Variants in MAGI2 observed in about 807,000 individuals in gnomAD.
MAGI2 encodes membrane-associated guanylate kinase, WW and PDZ domain-containing protein 2.
A neutral mutation model predicts 133.3 loss-of-function variants in MAGI2; 35 were observed. The observed-to-expected ratio is 0.26, with a 90% confidence interval of 0.20 to 0.35. The LOEUF is 0.35. Ranked by LOEUF, MAGI2 falls within the 10% of genes least tolerant of loss-of-function variation. The pLI is 1.00. For synonymous variants in MAGI2, 729 were observed against 710.6 expected (o/e 1.03, Z -0.41); for missense variants, 1,636 against 1,863.4 (o/e 0.88, Z 2.25).
chr7:78,407,644 G>A (rs1350172431), intron 6 of MAGI2, among the ~76,000 whole-genome samples: 28 of 104,630 alleles, frequency 2.7e-4, no homozygotes, highest in Non-Finnish European at 3.9e-5. Flanking sequence ...AGCTGCTGCA[G>A]CTTCTTCTAC....
rs1411020927 is a variant in MAGI2 at position 79,403,241 on chromosome 7, A to G, written c.301+49779T>C. ...AAAAGTTTTTTGTTTTCATGTATTC[A>G]TTACTTGTATGTTTACTGCTTTCTC... On this transcript the variant is annotated intron_variant, in intron 1 of 21. Transcript: ENST00000354212. Among the ~76,000 whole-genome samples, 7 of 152,136 alleles carry G rather than the reference A, an allele frequency of 4.6e-5. No homozygotes were observed. In the East Asian group the frequency reaches 1.4e-3, roughly 29 times the overall value.
chr7:78,185,725 T>A (rs1663228405), intron 12 of MAGI2, 55 bp from the exon 13 acceptor site: 5 of 1,347,564 alleles, frequency 3.7e-6, no homozygotes, highest in Non-Finnish European at 4.2e-6. Flanking sequence ...ATTTTAAAAT[T>A]CATCTTTACT....
Position 78,019,677 on chromosome 7 carries a change from C to A in MAGI2, c.4006G>T (p.Gly1336Trp). ...GCGGGCCTGCCGGCCTCGGGCCGCC[C>A]CTGGCCGCCGGGCGCCTCCTCGAGC... ...PRLEEAPGGQ[G>W]RPEAGRPASE... Residue 1336 changes from glycine (G) to tryptophan (W), a missense_variant, in exon 22 of 22, where the codon GGG becomes TGG. Coordinates refer to ENST00000354212, the MANE Select transcript of MAGI2 (RefSeq NM_012301.4). 6.9e-7 allele frequency: 1 copy of A among 1,445,018 alleles called. No individual in the cohort carries two copies. The highest frequency in any genetic ancestry group is 9.1e-7 in the Non-Finnish European group (1 of 1,104,166). 89.5% of individuals were successfully genotyped at this position (1,445,018 alleles called of 1,614,324 possible). A position where few individuals can be genotyped will look rare whatever the true frequency, so the allele number is the denominator to read the frequency against.
intron 1 of MAGI2, among the ~76,000 whole-genome samples, chr7:79,215,919 A>G (rs1194668565): frequency 6.6e-6 from 1 of 151,904 alleles, no homozygotes; most frequent in East Asian, 1.9e-4. Flanking sequence ...ATTCCATGAC[A>G]TGGAATACTT....
intron 3 of MAGI2, among the ~76,000 whole-genome samples, chr7:78,553,688 C>T (rs1160879809): frequency 6.6e-6 from 1 of 152,176 alleles, no homozygotes; most frequent in African/African-American, 2.4e-5. Context: ...CTCAACAGTT[C>T]TGTGACACAA....
intron 3 of MAGI2, among the ~76,000 whole-genome samples, chr7:78,552,606 G>A (rs1381561325): frequency 6.6e-6 from 1 of 152,166 alleles, no homozygotes; most frequent in Non-Finnish European, 1.5e-5. Context: ...GTATAGTGGT[G>A]TGGTGGACAA....
chr7:78,260,527 C>T (rs1290867851), intron 9 of MAGI2, among the ~76,000 whole-genome samples: 2 of 152,078 alleles, frequency 1.3e-5, no homozygotes, highest in Non-Finnish European at 2.9e-5. Flanking sequence ...TGAGATCATC[C>T]TTGTGAAAAT....
chr7:78,531,101 C>T lies in MAGI2; in HGVS notation c.539-9456G>A, dbSNP rs138720419. Among the ~76,000 whole-genome samples the T allele has an allele frequency of 5.6e-4, 85 of 152,002 alleles. No homozygotes were observed. The East Asian group carries it at 0.014, about 26-fold the overall frequency. On this transcript the variant is annotated intron_variant, in intron 3 of 21. Transcript: ENST00000354212. ...TGCAGATGCAAAGATATTTGGAAAA[C>T]GGTACTGAATAAAAAATAACTTTAG... is the stretch of plus-strand genomic sequence containing the variant.
intron 2 of MAGI2, among the ~76,000 whole-genome samples, chr7:78,818,808 C>A (rs943709540): frequency 1.3e-5 from 2 of 152,022 alleles, no homozygotes; most frequent in South Asian, 4.1e-4. Flanking sequence ...CCCAAATGCA[C>A]CTTCTTGGAA....
At chr7:78,982,092 T>G (rs1804844708) in intron 2 of MAGI2, among the ~76,000 whole-genome samples, 1 of 151,842 alleles carries the variant, frequency 6.6e-6, no homozygotes. Context: ...GCGACGGGGC[T>G]TTAATTCAGA....
chr7:79,276,948 G>A (rs1835273249), intron 1 of MAGI2, among the ~76,000 whole-genome samples: 1 of 151,876 alleles, frequency 6.6e-6, no homozygotes, highest in Non-Finnish European at 1.5e-5. Context: ...GGGTGATAGA[G>A]TGAAACTCTG....
At chr7:78,779,076 T>C (rs901076782) in intron 2 of MAGI2, among the ~76,000 whole-genome samples, 6 of 152,036 alleles carry the variant, frequency 3.9e-5, no homozygotes, top group Non-Finnish European at 7.4e-5. Flanking sequence ...GCCTGGCTAA[T>C]GTTTTGTATT....
At chr7:78,616,431 T>C (rs905783972) in intron 3 of MAGI2, 1 of 151,256 alleles carries the variant, frequency 6.6e-6, no homozygotes, top group African/African-American at 2.4e-5. Context: ...ACATAGAACT[T>C]TGGGGTGTGT....
At chr7:78,736,084 A>G (rs142098170) in intron 2 of MAGI2, among the ~76,000 whole-genome samples, 1 of 152,290 alleles carries the variant, frequency 6.6e-6, no homozygotes, top group African/African-American at 2.4e-5. Flanking sequence ...AATAAGCACA[A>G]AGAGAGATAA....
intron 7 of MAGI2, among the ~76,000 whole-genome samples, chr7:78,364,640 C>T (rs929457148): frequency 6.6e-6 from 1 of 152,168 alleles, no homozygotes; most frequent in African/African-American, 2.4e-5. Flanking sequence ...CCAGAGAAGG[C>T]AGCTTTGCAT....
At chr7:79,397,877 T>C (rs1293845982) in intron 1 of MAGI2, among the ~76,000 whole-genome samples, 2 of 152,174 alleles carry the variant, frequency 1.3e-5, no homozygotes, top group African/African-American at 2.4e-5. Flanking sequence ...ATTATCTTAG[T>C]TCAAGATGCC....
chr7:78,992,922 A>G (rs1313306209), intron 2 of MAGI2, among the ~76,000 whole-genome samples: 1 of 152,092 alleles, frequency 6.6e-6, no homozygotes, highest in East Asian at 1.9e-4. Flanking sequence ...CTCATTTTTA[A>G]TTAAGATTCT....
intron 1 of MAGI2, among the ~76,000 whole-genome samples, chr7:79,085,324 CT>C: frequency 1.3e-5 from 2 of 151,440 alleles, no homozygotes; most frequent in East Asian, 3.9e-4. Flanking sequence ...ATTTTTGACT[CT>C]TTTTTCTAAA....
At chr7:78,455,246 T>G (rs967827105) in intron 6 of MAGI2, among the ~76,000 whole-genome samples, 3 of 152,164 alleles carry the variant, frequency 2.0e-5, no homozygotes, top group Non-Finnish European at 2.9e-5. Flanking sequence ...TATAAAACAG[T>G]CTATGAATTA....
Sources: allele counts gnomAD v4.1 joint callset (sites outside exome capture counted in the v4.1 genomes callset), GRCh38; gene constraint gnomAD v4.1.1; transcripts MANE v1.5; gene names NCBI Gene and HGNC (gene_info 2026-07-23, HGNC 2026-07-21).